FSTL4: variants seen among roughly 807,000 people sequenced by gnomAD.
FSTL4 encodes follistatin-related protein 4.
Under a neutral mutation model 78.2 loss-of-function variants are expected in FSTL4, and 28 were observed. The ratio of observed to expected loss-of-function variants is 0.36; its 90% CI spans 0.27 to 0.49. The LOEUF (loss-of-function observed/expected upper bound fraction) is 0.49. FSTL4 is among the 20% of genes least tolerant of loss of function. The pLI is 0.98. For missense variants in FSTL4, 922 were observed against 1,084.9 expected, an observed-to-expected ratio of 0.85 and a Z score of 2.11; for synonymous variants, 422 against 440.5, an observed-to-expected ratio of 0.96 and a Z score of 0.53.
chr5:133,360,357 T>A (rs551111375), intron 4 of FSTL4, among the ~76,000 whole-genome samples: 1 of 152,332 alleles, frequency 6.6e-6, no homozygotes, highest in South Asian at 2.1e-4. Flanking sequence ...GAAAATGTGT[T>A]CTGGTCCAAT....
At chr5:133,491,428 C>T (rs1758264293) in intron 3 of FSTL4, among the ~76,000 whole-genome samples, 2 of 145,570 alleles carry the variant, frequency 1.4e-5, no homozygotes, top group Non-Finnish European at 3.0e-5. Context: ...GAGACGGAGT[C>T]TCACTCTGCT....
chr5:133,637,008 G>A, the FSTL4 span, among the ~76,000 whole-genome samples: 1 of 152,188 alleles, frequency 6.6e-6, no homozygotes, highest in Admixed American at 6.5e-5. Context: ...TTTGGCTGGA[G>A]TGGAAGCATA....
intron 3 of FSTL4, among the ~76,000 whole-genome samples, chr5:133,447,548 C>T (rs1757293829): frequency 6.6e-6 from 1 of 151,264 alleles, no homozygotes; most frequent in South Asian, 2.1e-4. Flanking sequence ...TTTTTCTTCT[C>T]TTTTTTTTTG....
chr5:133,830,349 G>T, the FSTL4 span, among the ~76,000 whole-genome samples: 1 of 152,202 alleles, frequency 6.6e-6, no homozygotes, highest in Non-Finnish European at 1.5e-5. Flanking sequence ...TAGGGGTGCT[G>T]CCCAGCATGG....
chr5:133,598,294 C>T (rs1760782967), intron 2 of FSTL4, among the ~76,000 whole-genome samples: 1 of 152,036 alleles, frequency 6.6e-6, no homozygotes, highest in Non-Finnish European at 1.5e-5. Context: ...GAAGTATCAG[C>T]ATCACCTGGA....
intron 4 of FSTL4, among the ~76,000 whole-genome samples, chr5:133,363,437 T>G (rs1337676863): frequency 6.6e-6 from 1 of 152,078 alleles, no homozygotes; most frequent in Non-Finnish European, 1.5e-5. Flanking sequence ...ACTTTTCTTC[T>G]TCTACTTGTC....
At chr5:133,495,444 A>T (rs1320647169) in intron 3 of FSTL4, among the ~76,000 whole-genome samples, 1 of 152,232 alleles carries the variant, frequency 6.6e-6, no homozygotes, top group Non-Finnish European at 1.5e-5. Flanking sequence ...GGACATCTCT[A>T]AGGGGATGAG....
chr5:133,798,468 A>G, the FSTL4 span, among the ~76,000 whole-genome samples: 2 of 151,882 alleles, frequency 1.3e-5, no homozygotes, highest in African/African-American at 4.8e-5. Flanking sequence ...TGTTTCCTGG[A>G]CATGGTTTTA....
chr5:133,224,259 C>T (rs772788320), intron 10 of FSTL4, 43 bp from the exon 11 acceptor site: 1 of 1,544,610 alleles, frequency 6.5e-7, no homozygotes, highest in South Asian at 1.1e-5. Flanking sequence ...GTGATGGAGT[C>T]AAGGAAAAAG....
At chr5:133,390,924 G>A (rs1164908128) in intron 4 of FSTL4, among the ~76,000 whole-genome samples, 1 of 152,200 alleles carries the variant, frequency 6.6e-6, no homozygotes, top group Non-Finnish European at 1.5e-5. Context: ...GGCGAGGGAG[G>A]GAACAGCCGA....
chr5:133,822,008 A>G, the FSTL4 span, among the ~76,000 whole-genome samples: 3 of 152,200 alleles, frequency 2.0e-5, no homozygotes, highest in Non-Finnish European at 4.4e-5. Context: ...ATATTTCTCA[A>G]TCAAACCTCC....
At chr5:133,626,489 C>A in the FSTL4 span, among the ~76,000 whole-genome samples, 1 of 149,824 alleles carries the variant, frequency 6.7e-6, no homozygotes, top group Non-Finnish European at 1.5e-5. Flanking sequence ...AGGTGCGAAC[C>A]ACCGCACTTG....
At chr5:133,227,357 G>C (rs1235555013) in intron 8 of FSTL4, among the ~76,000 whole-genome samples, 1 of 152,198 alleles carries the variant, frequency 6.6e-6, no homozygotes, top group African/African-American at 2.4e-5. Context: ...ACATAAATGT[G>C]TAGCTCTCTT....
chr5:133,315,233 T>TG (rs1267780977), intron 5 of FSTL4, among the ~76,000 whole-genome samples: 1 of 152,246 alleles, frequency 6.6e-6, no homozygotes, highest in African/African-American at 2.4e-5. Context: ...ACCCTCATGA[T>TG]GACCCTGTGA....
At chr5:133,632,174 A>C in the FSTL4 span, among the ~76,000 whole-genome samples, 1 of 152,212 alleles carries the variant, frequency 6.6e-6, no homozygotes, top group African/African-American at 2.4e-5. Context: ...TCATATATAC[A>C]TAACACTACA....
chr5:133,497,585 G>C (rs761908438), intron 3 of FSTL4, among the ~76,000 whole-genome samples: 1 of 152,134 alleles, frequency 6.6e-6, no homozygotes, highest in Non-Finnish European at 1.5e-5. Flanking sequence ...TCCTGAATCT[G>C]TGGGGGTCAC....
At chr5:133,353,433 C>T (rs1018484636) in intron 4 of FSTL4, among the ~76,000 whole-genome samples, 17 of 152,172 alleles carry the variant, frequency 1.1e-4, no homozygotes, top group African/African-American at 2.7e-4. Flanking sequence ...TCTGAAGGGG[C>T]GTGCGAGGGG....
In FSTL4 at chr5:133,611,895, C is replaced by T. The variant is rs1761103098; in HGVS notation, c.-11+430G>A. 6.6e-6 allele frequency among the ~76,000 whole-genome samples: 1 copy of T among 152,012 alleles called. No individual in the cohort carries two copies. Among genetic ancestry groups the T allele is most frequent in the Admixed American group, 6.5e-5 (1 of 15,280 alleles). On this transcript the variant is annotated intron_variant, in intron 1 of 15. Coordinates refer to ENST00000265342, the MANE Select transcript of FSTL4 (RefSeq NM_015082.2). This position sits in a 1 kb window ranked among gnomAD's most constrained non-coding sequence, Gnocchi z 4.9. The stretch of plus-strand genomic sequence containing the variant: ...GGGCACCGGGCCCGGGCCGAGGGGC[C>T]GCGCTCGCCTGGCTCCGCCGGGGCC...
chr5:133,676,119 A>G, the FSTL4 span, among the ~76,000 whole-genome samples: 12 of 152,352 alleles, frequency 7.9e-5, no homozygotes, highest in African/African-American at 2.4e-4. Flanking sequence ...GCGTCGTTAG[A>G]GACCACAGCA....
Sources: gnomAD v4.1 joint callset for allele counts (sites outside exome capture counted in the v4.1 genomes callset) on GRCh38, gnomAD v4.1.1 for gene constraint, Gnocchi (gnomAD v3.1) non-coding constraint, MANE v1.5 for transcripts, NCBI Gene and HGNC (gene_info 2026-07-23, HGNC 2026-07-21) for gene names.